CELSR1: variants seen among roughly 807,000 people sequenced by gnomAD.
The protein encoded by CELSR1 is cadherin EGF LAG seven-pass G-type receptor 1.
A neutral mutation model predicts 249.1 loss-of-function variants in CELSR1; 110 were observed. The observed-to-expected ratio is 0.44, with a 90% CI of 0.38 to 0.52. The LOEUF (loss-of-function observed/expected upper bound fraction) is 0.52, where lower values mean the gene tolerates loss of function less well. Among genes scored for constraint, CELSR1 ranks in the 20% least tolerant of loss-of-function variants. CELSR1 has a pLI of 0.00. For synonymous variants in CELSR1, 2,113 were observed against 1,900.0 expected, an observed-to-expected ratio of 1.11 and a Z score of -2.92; for missense variants, 4,109 against 4,296.4, an observed-to-expected ratio of 0.96 and a Z score of 1.22.
chr22:46,391,909 C>T lies in CELSR1; in HGVS notation c.5965-93G>A. On this transcript the variant is annotated intron_variant, in intron 14 of 34. Coordinates refer to ENST00000674500, the MANE Select transcript of CELSR1 (RefSeq NM_001378328.1). This position sits in a 1 kb window ranked among gnomAD's most constrained non-coding sequence, Gnocchi z 4.3. ...TCCCGAGCGACGTCCAGACTCCCAC[C>T]CGGGTGTGTGTGTTGGCCGCCAGCC... The T allele has an allele frequency of 7.3e-7, 1 of 1,364,990 alleles. No individual in the cohort carries two copies. The highest frequency in any genetic ancestry group is 1.3e-5 in the South Asian group (1 of 75,134). 84.6% of individuals were successfully genotyped at this position (1,364,990 alleles called of 1,614,324 possible).
rs1288201271 is a variant in CELSR1, at chr22:46,381,298, G to A, written c.7089-343C>T. 6.6e-6 allele frequency among the ~76,000 whole-genome samples: 1 copy of A among 152,214 alleles called. No individual in the cohort carries two copies. The highest frequency in any genetic ancestry group is 2.4e-5 in the African/African-American group (1 of 41,450). ...GTCCAGCAAAAGACACCAAAATAAT[G>A]GCAGCTCATGGGGATGAATCACCCA... On this transcript the variant is annotated intron_variant, in intron 21 of 34. Transcript: ENST00000674500. This position sits in a 1 kb window ranked among gnomAD's most constrained non-coding sequence, Gnocchi z 6.0.
rs968832086 is a variant in CELSR1, at chr22:46,518,436, C to T, written c.3544+15191G>A. Among the ~76,000 whole-genome samples the T allele has an allele frequency of 7.9e-5, 12 of 152,214 alleles. No homozygotes were observed. Among genetic ancestry groups the T allele is most frequent in the Non-Finnish European group, 1.2e-4 (8 of 68,038 alleles). On this transcript the variant is annotated intron_variant, in intron 1 of 34. Transcript: ENST00000674500. The surrounding 1 kb of genome is among the most constrained non-coding windows in gnomAD (Gnocchi z 5.2). ...CAAACCGATGGTGTGCTCGGGCATT[C>T]GGGTGGACAGACTGCAGATCCCACT... is the stretch of plus-strand genomic sequence containing the variant.
At chr22:46,519,577 T>G (rs916877446) in intron 1 of CELSR1, among the ~76,000 whole-genome samples, 1 of 152,202 alleles carries the variant, frequency 6.6e-6, no homozygotes, top group South Asian at 2.1e-4. Context: ...GCATCAGGTC[T>G]GAATGCCCAG....
chr22:46,384,616 A>T lies in CELSR1; in HGVS notation c.6810T>A (p.His2270Gln). The T allele has an allele frequency of 6.2e-7, 1 of 1,613,826 alleles. No individual in the cohort carries two copies. Among genetic ancestry groups the T allele is most frequent in the South Asian group, 1.1e-5 (1 of 90,966 alleles). The change falls in exon 20 of 35, where the codon CAT (histidine) becomes CAA (glutamine). Residue 2270 changes from histidine (H) to glutamine (Q), a missense_variant. Physicochemically the swap from His to Gln is conservative, Grantham distance 24. Transcript: ENST00000674500. ...ACTCCAGCTCCCTGGGGAACTCTTC[A>T]TGGATGGTGTCGAATCGCGGGACCC... ...GARVPRFDTI[H>Q]EEFPRELESS...
At chr22:46,479,937 T>A (rs2080249878) in intron 1 of CELSR1, among the ~76,000 whole-genome samples, 1 of 152,200 alleles carries the variant, frequency 6.6e-6, no homozygotes, top group Non-Finnish European at 1.5e-5. Context: ...GCCAGGGGTT[T>A]GTCTCGACTG....
At chr22:46,385,965 C>T (rs1486951960) in intron 19 of CELSR1, among the ~76,000 whole-genome samples, 5 of 146,970 alleles carry the variant, frequency 3.4e-5, no homozygotes, top group Non-Finnish European at 4.5e-5. Context: ...GCGTGAGCCA[C>T]CGCGCCCGGC....
rs946772516 is a variant in CELSR1, at chr22:46,413,079, G to A, written c.4612-1320C>T. On this transcript the variant is annotated intron_variant, in intron 5 of 34. Coordinates refer to ENST00000674500, the MANE Select transcript of CELSR1 (RefSeq NM_001378328.1). The surrounding 1 kb of genome is among the most constrained non-coding windows in gnomAD (Gnocchi z 4.7). ...GTTCTGGGGTCAGTTTGAGTTTATA[G>A]CATGATACAATCTCATGCTTCTTTA... 1.1e-4 allele frequency among the ~76,000 whole-genome samples: 17 copies of A among 152,216 alleles called. No homozygotes were observed. Among genetic ancestry groups the A allele is most frequent in the African/African-American group, 4.1e-4 (17 of 41,446 alleles).
intron 1 of CELSR1, among the ~76,000 whole-genome samples, chr22:46,499,067 C>T (rs182722389): frequency 3.3e-5 from 5 of 151,926 alleles, no homozygotes; most frequent in Admixed American, 2.6e-4. Flanking sequence ...GTAATCCCAG[C>T]TACTCCGGAG....
rs1161599058 is a variant in CELSR1, at chr22:46,471,185, T to A, written c.3545-6840A>T. Among the ~76,000 whole-genome samples the A allele has an allele frequency of 6.6e-6, 1 of 152,144 alleles. No individual in the cohort carries two copies. Among genetic ancestry groups the A allele is most frequent in the South Asian group, 2.1e-4 (1 of 4,816 alleles). On this transcript the variant is annotated intron_variant, in intron 1 of 34. Transcript: ENST00000674500. The surrounding 1 kb of genome is among the most constrained non-coding windows in gnomAD (Gnocchi z 4.9). Reference sequence around the variant, plus strand: ...TTCACACAAAACAAAACAAAAAAAATGTTTCTACATGAGCCCAGAGAGCTA... The same window carrying A: ...TTCACACAAAACAAAACAAAAAAAAAGTTTCTACATGAGCCCAGAGAGCTA...
Position 46,522,238 on chromosome 22 carries a change from G to A in CELSR1, c.3544+11389C>T, listed in dbSNP as rs566752146. ...CCTCCCAGGCTGAAGCGAACCTCCC[G>A]CCTCAGCCTCTTGACTAGCTGAGAC... On this transcript the variant is annotated intron_variant, in intron 1 of 34. Coordinates refer to ENST00000674500, the MANE Select transcript of CELSR1 (RefSeq NM_001378328.1). Among the ~76,000 whole-genome samples, 17 of 152,234 alleles carry A rather than the reference G, an allele frequency of 1.1e-4. No homozygotes were observed. The East Asian group carries it at 1.9e-3, about 17-fold the overall frequency.
At chr22:46,366,576 C>T in intron 29 of CELSR1, 96 bp from the exon 30 acceptor site, 1 of 1,006,010 alleles carries the variant, frequency 9.9e-7, no homozygotes, top group Middle Eastern at 2.6e-4. Context: ...CCCCCACACC[C>T]ACACCCTGGC....
rs915803966 is a variant in CELSR1 at position 46,427,872 on chromosome 22, C to A, written c.4611+5521G>T. 6.6e-6 allele frequency among the ~76,000 whole-genome samples: 1 copy of A among 152,120 alleles called. No individual in the cohort carries two copies. The highest frequency in any genetic ancestry group is 2.4e-5 in the African/African-American group (1 of 41,426). ...AAAGGGTCCCATCAAAAAACCTCACCCTGACCCAAGTGTCTGGGTGGAAGT... is the reference window on the plus strand; with the variant it reads ...AAAGGGTCCCATCAAAAAACCTCACACTGACCCAAGTGTCTGGGTGGAAGT... On this transcript the variant is annotated intron_variant, in intron 5 of 34. Transcript: ENST00000674500. The surrounding 1 kb of genome is among the most constrained non-coding windows in gnomAD (Gnocchi z 4.2).
At chr22:46,452,922 T>G (rs6007915) in intron 2 of CELSR1, among the ~76,000 whole-genome samples, 51,331 of 152,158 alleles carry the variant, frequency 0.34, 9,798 homozygotes, top group African/African-American at 0.51. Context: ...GGCCATGGGG[T>G]TGGGCACAGC....
intron 2 of CELSR1, among the ~76,000 whole-genome samples, chr22:46,455,276 C>G (rs1602159631): frequency 6.6e-6 from 1 of 152,308 alleles, no homozygotes; most frequent in Middle Eastern, 3.4e-3. Context: ...GTCGCCCAGG[C>G]TGGAGTGCAG....
At chr22:46,456,211 G>A (rs531024301) in intron 2 of CELSR1, among the ~76,000 whole-genome samples, 11 of 152,362 alleles carry the variant, frequency 7.2e-5, no homozygotes, top group African/African-American at 2.4e-4. Context: ...ACTGGCCCAC[G>A]TGCAACCCTG....
At position 46,363,460 on chromosome 22, in the gene CELSR1, G is replaced by C. The variant is rs192865762; in HGVS notation, c.9036-213C>G. ...CCAGCCTGTGGGCCTCTGTGTTGCT[G>C]GTCTTTCAGAAGAGCGCAAGGAATC... On this transcript the variant is annotated intron_variant, in intron 34 of 34. Transcript: ENST00000674500. The surrounding 1 kb of genome is among the most constrained non-coding windows in gnomAD (Gnocchi z 4.3). 145 of 526,856 alleles carry C rather than the reference G, an allele frequency of 2.8e-4. No homozygotes were observed. In the East Asian group the frequency reaches 4.0e-3, roughly 14 times the overall value. The allele number at this position is 526,856 out of a possible 1,614,324, so 32.6% of individuals were successfully genotyped here.
intron 13 of CELSR1, among the ~76,000 whole-genome samples, chr22:46,394,732 G>C (rs778938299): frequency 6.6e-6 from 1 of 152,204 alleles, no homozygotes; most frequent in African/African-American, 2.4e-5. Flanking sequence ...CAGACCCACA[G>C]ATGCTCAGGG....
At position 46,445,175 on chromosome 22, in the gene CELSR1, G is replaced by T. The variant is rs1306932582; in HGVS notation, c.4184-5764C>A. On this transcript the variant is annotated intron_variant, in intron 2 of 34. Coordinates refer to ENST00000674500, the MANE Select transcript of CELSR1 (RefSeq NM_001378328.1). This position sits in a 1 kb window ranked among gnomAD's most constrained non-coding sequence, Gnocchi z 4.4. The stretch of plus-strand genomic sequence containing the variant: ...CACACCACCATAGTCCAGTCTGGGT[G>T]ACAAGAGCGAAACTCCACCTCAAAA... Among the ~76,000 whole-genome samples the T allele has an allele frequency of 6.6e-6, 1 of 151,524 alleles. No individual in the cohort carries two copies. Among genetic ancestry groups the T allele is most frequent in the Non-Finnish European group, 1.5e-5 (1 of 67,954 alleles).
Position 46,537,228 on chromosome 22 carries a change from C to A in CELSR1, c.-58G>T. 1 of 1,015,950 alleles carries A rather than the reference C, an allele frequency of 9.8e-7. No individual in the cohort carries two copies. The highest frequency in any genetic ancestry group is 1.2e-6 in the Non-Finnish European group (1 of 851,376). The allele number at this position is 1,015,950 out of a possible 1,614,324, so 62.9% of individuals were successfully genotyped here. ...AACACAATCCATGCACCCGGCGCGC[C>A]TCCGCATCCACCCGGCGAGGCCGGG... On this transcript the variant is annotated 5_prime_UTR_variant, in exon 1 of 35. The change creates a new upstream start codon in the 5' untranslated region. Coordinates refer to ENST00000674500, the MANE Select transcript of CELSR1 (RefSeq NM_001378328.1). The surrounding 1 kb of genome is among the most constrained non-coding windows in gnomAD (Gnocchi z 5.8).
Sources: gnomAD v4.1 joint callset for allele counts (sites outside exome capture counted in the v4.1 genomes callset) on GRCh38, gnomAD v4.1.1 for gene constraint, Gnocchi (gnomAD v3.1) non-coding constraint, MANE v1.5 for transcripts, NCBI Gene and HGNC (gene_info 2026-07-23, HGNC 2026-07-21) for gene names.